The following GMPS variants were observed in gnomAD, a reference collection of about 807,000 sequenced individuals.
GMPS encodes guanosine monophosphate synthase.
Under a neutral mutation model 77.9 loss-of-function variants are expected in GMPS, and 15 were observed. The ratio of observed to expected loss-of-function variants is 0.19; its 90% CI spans 0.13 to 0.30. The LOEUF (loss-of-function observed/expected upper bound fraction) is 0.30, where lower values mean the gene tolerates loss of function less well. GMPS is among the 10% of genes least tolerant of loss of function. GMPS has a pLI of 1.00. For synonymous variants in GMPS, 224 were observed against 275.9 expected (o/e 0.81, Z 1.86); for missense variants, 590 against 838.8 (o/e 0.70, Z 3.66).
At chr3:155,919,776 C>T (rs1755270782) in intron 10 of GMPS, among the ~76,000 whole-genome samples, 1 of 152,188 alleles carries the variant, frequency 6.6e-6, no homozygotes, top group Non-Finnish European at 1.5e-5. Flanking sequence ...ATGGATGAAC[C>T]ACTTATTCTG....
intron 12 of GMPS, 31 bp downstream of exon 12, chr3:155,925,397 A>G (rs1755427234): frequency 1.3e-6 from 2 of 1,507,766 alleles, no homozygotes; most frequent in Non-Finnish European, 1.8e-6. Flanking sequence ...CACCAGTGAT[A>G]TACTTTTTTT....
chr3:155,870,859 G>C lies in GMPS; in HGVS notation c.-12G>C. 2 of 1,502,416 alleles carry C rather than the reference G, an allele frequency of 1.3e-6. No individual in the cohort carries two copies. Among genetic ancestry groups the C allele is most frequent in the Non-Finnish European group, 1.8e-6 (2 of 1,128,172 alleles). 93.1% of individuals were successfully genotyped at this position (1,502,416 alleles called of 1,614,324 possible). A position where few individuals can be genotyped will look rare whatever the true frequency, so the allele number is the denominator to read the frequency against. Reference sequence around the variant, plus strand: ...TGTCGCCGTCACCGCCGCGGCTCCGGCCCTGGCCCCGATGGCTCTGTGCAA... The same window carrying C: ...TGTCGCCGTCACCGCCGCGGCTCCGCCCCTGGCCCCGATGGCTCTGTGCAA... On this transcript the variant is annotated 5_prime_UTR_variant, in exon 1 of 16. Coordinates refer to ENST00000496455, the MANE Select transcript of GMPS (RefSeq NM_003875.3).
intron 10 of GMPS, among the ~76,000 whole-genome samples, chr3:155,921,551 T>A (rs747264389): frequency 6.6e-6 from 1 of 152,344 alleles, no homozygotes; most frequent in East Asian, 1.9e-4. Flanking sequence ...CAGTGGCTCA[T>A]GCCTGTAATT....
chr3:155,933,052 CATG>C (rs1436470023), intron 13 of GMPS, among the ~76,000 whole-genome samples: 1 of 152,056 alleles, frequency 6.6e-6, no homozygotes, highest in African/African-American at 2.4e-5. Flanking sequence ...ATTAGCCAGG[CATG>C]GTGGTGTGTG....
intron 1 of GMPS, among the ~76,000 whole-genome samples, chr3:155,880,268 G>A (rs892251390): frequency 6.6e-6 from 1 of 152,018 alleles, no homozygotes; most frequent in Admixed American, 6.6e-5. Flanking sequence ...TTCTAAGGTG[G>A]GTTTAATCTG....
At chr3:155,924,673 G>A (rs140910821) in intron 11 of GMPS, among the ~76,000 whole-genome samples, 1 of 152,224 alleles carries the variant, frequency 6.6e-6, no homozygotes, top group African/African-American at 2.4e-5. Context: ...GAAAAAGATT[G>A]TAGAATGAAA....
chr3:155,902,301 T>C (rs1288443519), intron 3 of GMPS, among the ~76,000 whole-genome samples: 1 of 152,164 alleles, frequency 6.6e-6, no homozygotes, highest in East Asian at 1.9e-4. Context: ...AAGTCTTGTG[T>C]TTAATATAAG....
intron 11 of GMPS, among the ~76,000 whole-genome samples, chr3:155,924,493 A>G (rs1301525809): frequency 6.6e-6 from 1 of 152,236 alleles, no homozygotes; most frequent in Non-Finnish European, 1.5e-5. Context: ...AAGATTGATT[A>G]TCTTTTAAGT....
At position 155,943,067 on chromosome 3, in the gene GMPS, CT is replaced by C. The variant is rs965472077; in HGVS notation, c.*5376del. 24 of 176,080 alleles carry C rather than the reference CT, an allele frequency of 1.4e-4. No individual in the cohort carries two copies. The highest frequency in any genetic ancestry group is 9.5e-4 in the Admixed American group (15 of 15,784). 10.9% of individuals were successfully genotyped at this position (176,080 alleles called of 1,614,324 possible). ...CCAACATGGTGAAACCCCATTTCTA[CT>C]AAAAATGTAAAAATTAGCTGGGCTT... On this transcript the variant is annotated 3_prime_UTR_variant, in exon 16 of 16. Coordinates refer to ENST00000496455, the MANE Select transcript of GMPS (RefSeq NM_003875.3).
At chr3:155,894,349 G>T (rs949530429) in intron 2 of GMPS, among the ~76,000 whole-genome samples, 1 of 151,986 alleles carries the variant, frequency 6.6e-6, no homozygotes, top group Admixed American at 6.6e-5. Flanking sequence ...TCAGCCTCTC[G>T]AGTAGCTGGA....
chr3:155,888,516 A>G (rs545704553), intron 1 of GMPS, among the ~76,000 whole-genome samples: 67 of 151,170 alleles, frequency 4.4e-4, no homozygotes, highest in Middle Eastern at 3.5e-3. Context: ...TGTGGCCTCA[A>G]CCTCCTGGGC....
Position 155,934,908 on chromosome 3 carries a change from G to A in GMPS, c.1677-8G>A. ...ATTGCTGTATTATTTTTACCTCTTTGTTTCCAGAGTTGTTTATATATTTGG... is the reference window on the plus strand; with the variant it reads ...ATTGCTGTATTATTTTTACCTCTTTATTTCCAGAGTTGTTTATATATTTGG... On this transcript the variant is annotated splice_region_variant and splice_polypyrimidine_tract_variant and intron_variant, in intron 13 of 15. Coordinates refer to ENST00000496455, the MANE Select transcript of GMPS (RefSeq NM_003875.3). The A allele has an allele frequency of 1.3e-6, 2 of 1,543,984 alleles. No individual in the cohort carries two copies. The highest frequency in any genetic ancestry group is 1.1e-5 in the South Asian group (1 of 88,940).
At chr3:155,897,893 A>G (rs757208448) in intron 2 of GMPS, 34 bp from the exon 3 acceptor site, 3 of 1,037,636 alleles carry the variant, frequency 2.9e-6, no homozygotes, top group Non-Finnish European at 4.6e-6. Flanking sequence ...AAAAATTAAC[A>G]GAGATTCTTC....
chr3:155,931,826 A>T lies in GMPS; in HGVS notation c.1622A>T (p.Glu541Val). The T allele has an allele frequency of 6.2e-7, 1 of 1,600,944 alleles. No homozygotes were observed. Among genetic ancestry groups the T allele is most frequent in the Non-Finnish European group, 8.6e-7 (1 of 1,168,420 alleles). ...TCCAGTAAAGATGAACCTGACTGGG[A>T]ATCACTTATTTTTCTGGCTAGGCTT... ...GISSKDEPDW[E>V]SLIFLARLIP... The change falls in exon 13 of 16, where the codon GAA becomes GTA. Residue 541 changes from glutamate to valine, a missense_variant. Transcript: ENST00000496455.
At chr3:155,909,542 G>T (rs866000186) in intron 5 of GMPS, among the ~76,000 whole-genome samples, 3 of 152,154 alleles carry the variant, frequency 2.0e-5, no homozygotes, top group Non-Finnish European at 2.9e-5. Context: ...ATTAATTGCT[G>T]TGTCAAGAAA....
intron 2 of GMPS, among the ~76,000 whole-genome samples, chr3:155,894,641 A>T (rs890358459): frequency 5.9e-5 from 9 of 152,128 alleles, no homozygotes; most frequent in African/African-American, 2.2e-4. Context: ...CTCTAATATT[A>T]GATGTACTAT....
At chr3:155,870,231 TAA>T (rs1429553637), upstream of GMPS, among the ~76,000 whole-genome samples, 2 of 152,250 alleles carry the variant, frequency 1.3e-5, no homozygotes, top group African/African-American at 2.4e-5. Context: ...CGCCACCGGC[TAA>T]GAGTTCCGCC....
intron 1 of GMPS, among the ~76,000 whole-genome samples, chr3:155,873,227 G>A (rs947830389): frequency 1.1e-4 from 16 of 152,212 alleles, no homozygotes; most frequent in African/African-American, 3.6e-4. Flanking sequence ...GGGCCTAAAA[G>A]CTATGAAAGC....
At chr3:155,912,259 G>GT (rs1577521261) in intron 7 of GMPS, among the ~76,000 whole-genome samples, 1 of 152,148 alleles carries the variant, frequency 6.6e-6, no homozygotes, top group East Asian at 1.9e-4. Context: ...ATAAAACAGT[G>GT]TAATACCTTA....
Sources: allele counts gnomAD v4.1 joint callset (sites outside exome capture counted in the v4.1 genomes callset), GRCh38; gene constraint gnomAD v4.1.1; transcripts MANE v1.5; gene names NCBI Gene and HGNC (gene_info 2026-07-23, HGNC 2026-07-21).